WASL: variants seen among roughly 807,000 people sequenced by gnomAD.
WASL encodes WASP like actin nucleation promoting factor.
WASL carries 20 observed loss-of-function variants against 55.5 expected under a neutral mutation model. That is an observed-to-expected ratio of 0.36 (90% CI 0.25 to 0.52). The LOEUF is 0.52. WASL is among the 20% of genes least tolerant of loss of function. The pLI is 0.92. For missense variants in WASL, 504 were observed against 622.5 expected (o/e 0.81, Z 2.03); for synonymous variants, 249 against 217.6 (o/e 1.14, Z -1.27).
intron 5 of WASL, 71 bp downstream of exon 5, chr7:123,704,563 G>T: frequency 8.2e-7 from 1 of 1,213,272 alleles, no homozygotes; most frequent in African/African-American, 1.5e-5. Context: ...ACTAATGTAT[G>T]GTACATGTTT....
chr7:123,706,397 G>A, intron 3 of WASL, 24 bp from the exon 4 acceptor site: 3 of 1,584,362 alleles, frequency 1.9e-6, no homozygotes, highest in African/African-American at 1.3e-5. Flanking sequence ...ATCACAAAGG[G>A]GAAACAACAG....
chr7:123,706,428 T>A, intron 3 of WASL, 55 bp from the exon 4 acceptor site: 1 of 1,494,968 alleles, frequency 6.7e-7, no homozygotes, highest in Non-Finnish European at 9.2e-7. Context: ...TTTAGCTTTA[T>A]ATCATAAAAA....
intron 8 of WASL, among the ~76,000 whole-genome samples, chr7:123,693,727 A>G (rs935842977): frequency 6.6e-6 from 1 of 152,240 alleles, no homozygotes; most frequent in Non-Finnish European, 1.5e-5. Flanking sequence ...GCACTTTGGG[A>G]GGCCAAAGCG....
chr7:123,691,428 T>C (rs1478993719), intron 9 of WASL, among the ~76,000 whole-genome samples: 1 of 152,240 alleles, frequency 6.6e-6, no homozygotes, highest in Non-Finnish European at 1.5e-5. Context: ...GCTTGATTTT[T>C]ACATTTTTAA....
intron 1 of WASL, among the ~76,000 whole-genome samples, chr7:123,737,188 C>T (rs1193541463): frequency 6.6e-6 from 1 of 152,142 alleles, no homozygotes; most frequent in African/African-American, 2.4e-5. Flanking sequence ...TGTTTTAAGA[C>T]TGTTTATGAA....
In WASL at chr7:123,692,816, G is replaced by C. The variant is rs1803435701; in HGVS notation, c.878C>G (p.Pro293Arg). The change falls in exon 9 of 11, where the codon CCT (proline) becomes CGT (arginine). Residue 293 changes from proline (P) to arginine (R), a missense_variant. This residue lies in a region of WASL where 201 missense variants were observed against 206.2 expected (regional missense o/e 0.97). Coordinates refer to ENST00000223023, the MANE Select transcript of WASL (RefSeq NM_003941.4). The stretch of plus-strand genomic sequence containing the variant: ...AGGAGGAGGACCTGAGTTGTGTGGA[G>C]GGGGAGGAGGAGGAGGTGGCCCTCC... ...SRGGPPPPPP[P>R]PHNSGPPPPP... 1 of 1,413,522 alleles carries C rather than the reference G, an allele frequency of 7.1e-7. No individual in the cohort carries two copies. Among genetic ancestry groups the C allele is most frequent in the Admixed American group, 2.7e-5 (1 of 36,914 alleles). The allele number at this position is 1,413,522 out of a possible 1,614,324, so 87.6% of individuals were successfully genotyped here.
chr7:123,690,217 AG>A (rs1307280827), intron 9 of WASL, among the ~76,000 whole-genome samples: 1 of 152,232 alleles, frequency 6.6e-6, no homozygotes, highest in African/African-American at 2.4e-5. Context: ...AGCACAAAGC[AG>A]AAGTGAGCAT....
At chr7:123,709,048 C>A (rs767019530) in intron 2 of WASL, 41 bp downstream of exon 2, 12 of 1,537,418 alleles carry the variant, frequency 7.8e-6, no homozygotes, top group Admixed American at 4.0e-5. Flanking sequence ...ATATAGAAAA[C>A]CTAATCACCT....
At chr7:123,694,640 AT>A in intron 8 of WASL, 74 bp downstream of exon 8, 1 of 1,490,726 alleles carries the variant, frequency 6.7e-7, no homozygotes, top group Admixed American at 2.0e-5. Context: ...ACATGTATGA[AT>A]GTTAACTGGT....
intron 7 of WASL, among the ~76,000 whole-genome samples, 190 bp from the exon 8 acceptor site, chr7:123,695,058 T>C (rs1803470160): frequency 2.6e-5 from 4 of 152,174 alleles, no homozygotes; most frequent in Non-Finnish European, 5.9e-5. Flanking sequence ...TTCTTCTTTT[T>C]TGTTCCCTGC....
intron 1 of WASL, among the ~76,000 whole-genome samples, chr7:123,722,949 G>C (rs1803976831): frequency 6.6e-6 from 1 of 152,162 alleles, no homozygotes; most frequent in Non-Finnish European, 1.5e-5. Flanking sequence ...GAATGTCCCA[G>C]GGAAGAATAG....
At chr7:123,685,399 T>C (rs1487400283) in intron 10 of WASL, among the ~76,000 whole-genome samples, 1 of 151,922 alleles carries the variant, frequency 6.6e-6, no homozygotes, top group Non-Finnish European at 1.5e-5. Flanking sequence ...TTCTGTCCCT[T>C]AAACTCACCA....
At chr7:123,718,896 C>A (rs888415195) in intron 1 of WASL, among the ~76,000 whole-genome samples, 1 of 152,192 alleles carries the variant, frequency 6.6e-6, no homozygotes, top group Non-Finnish European at 1.5e-5. Flanking sequence ...TTCTTTCATT[C>A]AAGTATCTGT....
chr7:123,731,242 G>C (rs1479481682), intron 1 of WASL, among the ~76,000 whole-genome samples: 1 of 151,922 alleles, frequency 6.6e-6, no homozygotes, highest in East Asian at 1.9e-4. Context: ...TGATAAAAGG[G>C]TCAATTATAC....
chr7:123,693,792 C>T (rs1295485822), intron 8 of WASL, among the ~76,000 whole-genome samples: 1 of 152,096 alleles, frequency 6.6e-6, no homozygotes. Context: ...ATGGAAAAAC[C>T]CCGTTTCTAT....
rs753071682 is a variant in WASL at position 123,692,506 on chromosome 7, G to A, written c.1188C>T (p.Asp396=). ...PPPPGLPSDG[D]HQVPTTAGNK... ...TTCCTGCAGTAGTTGGAACCTGATG[G>A]TCCCCATCAGAAGGCAGGCCAGGCG... Residue 396 remains aspartate, a synonymous_variant, in exon 9 of 11, where the codon GAC becomes GAT. Transcript: ENST00000223023. 1.9e-6 allele frequency: 3 copies of A among 1,613,930 alleles called. No homozygotes were observed.
At chr7:123,706,539 A>G (rs549817533) in intron 3 of WASL, among the ~76,000 whole-genome samples, 166 bp from the exon 4 acceptor site, 7 of 152,324 alleles carry the variant, frequency 4.6e-5, no homozygotes, top group African/African-American at 1.4e-4. Context: ...AAAAGCATGA[A>G]GAAGTTCAAG....
chr7:123,718,725 A>G (rs1031657670), intron 1 of WASL, among the ~76,000 whole-genome samples: 1 of 152,226 alleles, frequency 6.6e-6, no homozygotes, highest in Non-Finnish European at 1.5e-5. Context: ...ATGATTACAT[A>G]GCATTTGCTT....
chr7:123,720,293 C>A (rs1490862623), intron 1 of WASL: 4 of 426,688 alleles, frequency 9.4e-6, no homozygotes, highest in Non-Finnish European at 1.8e-5. Flanking sequence ...AAAATACACA[C>A]TCATTAAATA....
Sources: allele counts gnomAD v4.1 joint callset (sites outside exome capture counted in the v4.1 genomes callset), GRCh38; gene constraint gnomAD v4.1.1; regional missense constraint gnomAD v4.1.1; transcripts MANE v1.5; gene names NCBI Gene and HGNC (gene_info 2026-07-23, HGNC 2026-07-21).